The following RBFOX1 variants were observed in gnomAD, a reference collection of about 807,000 sequenced individuals.
RBFOX1 encodes the protein RNA binding fox-1 homolog 1.
Under a neutral mutation model 57.7 loss-of-function variants are expected in RBFOX1, and 8 were observed. The ratio of observed to expected loss-of-function variants is 0.14; its 90% CI spans 0.08 to 0.25. The LOEUF is 0.25. Among genes scored for constraint, RBFOX1 ranks in the 10% least tolerant of loss-of-function variants. RBFOX1 has a pLI of 1.00. For missense variants in RBFOX1, 611 were observed against 548.5 expected, an observed-to-expected ratio of 1.11 and a Z score of -1.14; for synonymous variants, 326 against 222.4, an observed-to-expected ratio of 1.47 and a Z score of -4.15.
chr16:6,834,540 A>C (rs949240991), intron 3 of RBFOX1, among the ~76,000 whole-genome samples: 1 of 152,128 alleles, frequency 6.6e-6, no homozygotes, highest in African/African-American at 2.4e-5. Context: ...CAGTTAATTA[A>C]TTAACAGGAG....
intron 2 of RBFOX1, among the ~76,000 whole-genome samples, chr16:6,500,887 T>TGTTTGTTTG (rs1326883091): frequency 1.7e-3 from 34 of 19,580 alleles, no homozygotes; most frequent in South Asian, 4.3e-3. Context: ...TTTTTTTTTT[T>TGTTTGTTTG]TTTTTTTTTT....
chr16:7,595,569 C>T lies in RBFOX1; in HGVS notation c.489C>T (p.Phe163=), dbSNP rs1386916670. ...RGSKGFGFVT[F]ENSADADRAR... ...TGCAGGGATTTGGTTTCGTAACTTT[C>T]GAAAATAGTGCCGATGCGGACAGGG... Residue 163 remains phenylalanine, a synonymous_variant, in exon 8 of 16, where the codon TTC becomes TTT. Transcript: ENST00000550418. The T allele has an allele frequency of 1.9e-6, 3 of 1,554,296 alleles. No individual in the cohort carries two copies. The highest frequency in any genetic ancestry group is 2.4e-5 in the East Asian group (1 of 42,524).
intron 1 of RBFOX1, among the ~76,000 whole-genome samples, chr16:6,073,224 A>T (rs987592203): frequency 6.6e-6 from 1 of 152,226 alleles, no homozygotes; most frequent in East Asian, 1.9e-4. Context: ...CAGGGCTGAG[A>T]TGAACTACTC....
chr16:6,334,794 G>A (rs1020264082), intron 2 of RBFOX1, among the ~76,000 whole-genome samples: 1 of 152,186 alleles, frequency 6.6e-6, no homozygotes, highest in African/African-American at 2.4e-5. Flanking sequence ...ATGGGTACAG[G>A]AAGGGGAGGT....
chr16:6,734,214 T>C (rs370434918), intron 3 of RBFOX1, among the ~76,000 whole-genome samples: 3 of 152,314 alleles, frequency 2.0e-5, no homozygotes, highest in African/African-American at 2.4e-5. Context: ...AATTGTATGA[T>C]GTCTGACCCC....
At chr16:7,156,156 C>T (rs980756609) in intron 4 of RBFOX1, among the ~76,000 whole-genome samples, 4 of 151,598 alleles carry the variant, frequency 2.6e-5, no homozygotes, top group African/African-American at 7.3e-5. Flanking sequence ...CAAGTGTGAC[C>T]ACTGTGCCTG....
intron 2 of RBFOX1, among the ~76,000 whole-genome samples, chr16:6,373,485 G>T (rs528112466): frequency 6.6e-6 from 1 of 151,578 alleles, no homozygotes; most frequent in East Asian, 2.0e-4. Flanking sequence ...GAGGATGGTT[G>T]GTGGAATGGA....
intron 2 of RBFOX1, among the ~76,000 whole-genome samples, chr16:6,479,631 T>C (rs1272720594): frequency 6.6e-6 from 1 of 152,062 alleles, no homozygotes; most frequent in East Asian, 1.9e-4. Context: ...TCAGATCTCA[T>C]GGGAACTCAC....
intron 3 of RBFOX1, among the ~76,000 whole-genome samples, chr16:6,808,823 C>G (rs2087643131): frequency 1.3e-5 from 2 of 152,076 alleles, no homozygotes; most frequent in Non-Finnish European, 2.9e-5. Flanking sequence ...ATCTCTAATT[C>G]ATAGAAAATC....
intron 2 of RBFOX1, among the ~76,000 whole-genome samples, chr16:6,498,078 G>A (rs558768382): frequency 1.3e-4 from 19 of 151,676 alleles, no homozygotes; most frequent in African/African-American, 4.3e-4. Flanking sequence ...ATGAAACCCC[G>A]TCTCTACTTA....
chr16:7,375,929 G>A (rs997473417), intron 4 of RBFOX1, among the ~76,000 whole-genome samples: 12 of 152,154 alleles, frequency 7.9e-5, no homozygotes, highest in African/African-American at 1.2e-4. Context: ...CCTTAAATGC[G>A]AAGTAAAGGG....
At chr16:6,688,319 T>G (rs2154130089) in intron 3 of RBFOX1, among the ~76,000 whole-genome samples, 1 of 152,220 alleles carries the variant, frequency 6.6e-6, no homozygotes, top group African/African-American at 2.4e-5. Context: ...AGGGAGATGG[T>G]GCTAAACCAT....
intron 4 of RBFOX1, among the ~76,000 whole-genome samples, chr16:7,475,287 A>C (rs996012001): frequency 6.6e-6 from 1 of 151,432 alleles, no homozygotes; most frequent in African/African-American, 2.4e-5. Context: ...CTACCGATTA[A>C]TAGATTTGAA....
chr16:7,091,526 T>C (rs954418900), intron 4 of RBFOX1, among the ~76,000 whole-genome samples: 2 of 144,890 alleles, frequency 1.4e-5, no homozygotes, highest in Admixed American at 1.4e-4. Flanking sequence ...GTTCAGTCAC[T>C]TAAAAAAAAA....
chr16:5,811,355 C>T (rs1270952352), intron 3 of RBFOX1, among the ~76,000 whole-genome samples: 1 of 151,798 alleles, frequency 6.6e-6, no homozygotes, highest in African/African-American at 2.4e-5. Flanking sequence ...GTTAGCCAGG[C>T]TGGTGTTGAA....
At chr16:7,068,798 A>C (rs1038639289) in intron 4 of RBFOX1, among the ~76,000 whole-genome samples, 1 of 152,176 alleles carries the variant, frequency 6.6e-6, no homozygotes, top group Non-Finnish European at 1.5e-5. Flanking sequence ...CATGTTGGCC[A>C]GGCTGGTCTC....
intron 3 of RBFOX1, among the ~76,000 whole-genome samples, chr16:5,779,073 C>T (rs760738347): frequency 1.3e-5 from 2 of 152,068 alleles, no homozygotes; most frequent in Non-Finnish European, 1.5e-5. Flanking sequence ...AGTTATGAAC[C>T]ATGCTGTCAA....
chr16:7,488,897 G>C (rs1317074840), intron 4 of RBFOX1, among the ~76,000 whole-genome samples: 2 of 151,960 alleles, frequency 1.3e-5, no homozygotes, highest in East Asian at 1.9e-4. Flanking sequence ...TTATCATTAT[G>C]TTTGTCTATA....
intron 5 of RBFOX1, among the ~76,000 whole-genome samples, chr16:7,576,416 C>T (rs1022871893): frequency 2.0e-5 from 3 of 152,160 alleles, no homozygotes; most frequent in African/African-American, 7.2e-5. Context: ...TTATTCACTC[C>T]TCAACCTCTA....
Sources: gnomAD v4.1 joint callset for allele counts (sites outside exome capture counted in the v4.1 genomes callset) on GRCh38, gnomAD v4.1.1 for gene constraint, MANE v1.5 for transcripts, NCBI Gene and HGNC (gene_info 2026-07-23, HGNC 2026-07-21) for gene names.